Variants in KIF21A observed in about 807,000 individuals in gnomAD.
The protein encoded by KIF21A is kinesin-like protein KIF21A.
KIF21A carries 114 observed loss-of-function variants against 202.9 expected under a neutral mutation model. The ratio of observed to expected loss-of-function variants is 0.56; its 90% CI spans 0.48 to 0.66. The LOEUF (loss-of-function observed/expected upper bound fraction) is 0.66. Among genes scored for constraint, KIF21A ranks in the 30% least tolerant of loss-of-function variants. The pLI is 0.00. For synonymous variants in KIF21A, 667 were observed against 670.8 expected, an observed-to-expected ratio of 0.99 and a Z score of 0.09; for missense variants, 1,677 against 1,994.9, an observed-to-expected ratio of 0.84 and a Z score of 3.04.
In KIF21A at chr12:39,358,260, T is replaced by C. The variant is rs1021616179; in HGVS notation, c.1133A>G (p.Asn378Ser). 1 of 1,614,124 alleles carries C rather than the reference T, an allele frequency of 6.2e-7. No homozygotes were observed. The highest frequency in any genetic ancestry group is 1.1e-5 in the South Asian group (1 of 91,086). ...GATTTGCTGACTAGCTCTGTCCTGA[T>C]TGACCATCACCTTATTCTTGATATT... ...ARNIKNKVMV[N>S]QDRASQQINA... Residue 378 changes from asparagine to serine, a missense_variant, in exon 8 of 38, where the codon AAT becomes AGT. Coordinates refer to ENST00000361418, the MANE Select transcript of KIF21A (RefSeq NM_001173464.2).
intron 29 of KIF21A, among the ~76,000 whole-genome samples, chr12:39,317,658 T>G (rs1944705417): frequency 6.6e-6 from 1 of 152,220 alleles, no homozygotes. Context: ...AACAATGGTC[T>G]TTGTAAACTG....
At chr12:39,361,784 G>C (rs1445978379) in intron 7 of KIF21A, among the ~76,000 whole-genome samples, 1 of 152,076 alleles carries the variant, frequency 6.6e-6, no homozygotes, top group Admixed American at 6.5e-5. Flanking sequence ...GGGATCACAG[G>C]CATGAGCCAC....
chr12:39,323,526 T>C (rs978268309), intron 26 of KIF21A, among the ~76,000 whole-genome samples: 2 of 152,214 alleles, frequency 1.3e-5, no homozygotes, highest in Non-Finnish European at 2.9e-5. Flanking sequence ...AGTATCAGCT[T>C]TGGGCAGCCT....
chr12:39,363,203 C>A lies in KIF21A; in HGVS notation c.914G>T (p.Gly305Val). 6.2e-7 allele frequency: 1 copy of A among 1,602,404 alleles called. No homozygotes were observed. The highest frequency in any genetic ancestry group is 8.5e-7 in the Non-Finnish European group (1 of 1,170,038). Residue 305 changes from glycine to valine, a missense_variant, in exon 7 of 38, where the codon GGC becomes GTC. Coordinates refer to ENST00000361418, the MANE Select transcript of KIF21A (RefSeq NM_001173464.2). ...ISINCGLLAL[G>V]NVISALGDKS... ...GTCTCCCAAGGCACTTATTACATTG[C>A]CAAGTGCCAACTAAAAGAAAGAGAA...
At chr12:39,414,280 T>C (rs563394113) in intron 1 of KIF21A, among the ~76,000 whole-genome samples, 57 of 152,304 alleles carry the variant, frequency 3.7e-4, no homozygotes, top group African/African-American at 1.2e-3. Flanking sequence ...ATTTATTCAA[T>C]GACAAAAGGG....
intron 1 of KIF21A, among the ~76,000 whole-genome samples, chr12:39,423,165 C>G (rs980786575): frequency 6.6e-6 from 1 of 152,170 alleles, no homozygotes; most frequent in Non-Finnish European, 1.5e-5. Flanking sequence ...CAACCTAAAA[C>G]TTAACCTGCT....
At position 39,407,673 on chromosome 12, in the gene KIF21A, G is replaced by A. The variant is rs113974049; in HGVS notation, c.44+35254C>T. ...TAACTTGCTCAAGATCATACAGCTT[G>A]CTCAATCTCTTAGAAAGTCCTAGAG... On this transcript the variant is annotated intron_variant, in intron 1 of 37. Transcript: ENST00000361418. Among the ~76,000 whole-genome samples, 334 of 152,182 alleles carry A rather than the reference G, an allele frequency of 2.2e-3. 3 individuals carry two copies. The highest frequency in any genetic ancestry group is 7.7e-3 in the African/African-American group (321 of 41,516).
At chr12:39,344,510 A>G (rs1256500621) in intron 12 of KIF21A, among the ~76,000 whole-genome samples, 1 of 152,202 alleles carries the variant, frequency 6.6e-6, no homozygotes, top group Non-Finnish European at 1.5e-5. Context: ...AAATCACATT[A>G]TACTTAAGTT....
Position 39,322,832 on chromosome 12 carries a change from A to G in KIF21A, c.3507T>C (p.Ser1169=). ...TQMELLYADS[S]ELASDTSTGD... ...CTGTACTAGTGTCTGAAGCTAGTTC[A>G]CTGCTATCTGCATACAGCAATTCCA... The change falls in exon 27 of 38, where the codon AGT becomes AGC. Residue 1169 remains serine, a synonymous_variant. Transcript: ENST00000361418. The G allele has an allele frequency of 6.2e-7, 1 of 1,609,396 alleles. No homozygotes were observed. The highest frequency in any genetic ancestry group is 8.5e-7 in the Non-Finnish European group (1 of 1,178,408).
intron 1 of KIF21A, among the ~76,000 whole-genome samples, chr12:39,386,978 T>C (rs983904148): frequency 6.6e-6 from 1 of 151,752 alleles, no homozygotes; most frequent in Non-Finnish European, 1.5e-5. Context: ...CACCTAAGCA[T>C]GGAGGTAACT....
At chr12:39,343,972 C>T (rs1267549521) in intron 12 of KIF21A, among the ~76,000 whole-genome samples, 1 of 152,084 alleles carries the variant, frequency 6.6e-6, no homozygotes. Context: ...CATAAAGATG[C>T]ATGAGAGACA....
intron 17 of KIF21A, among the ~76,000 whole-genome samples, chr12:39,336,062 C>T (rs1299965399): frequency 6.6e-6 from 1 of 151,782 alleles, no homozygotes; most frequent in Non-Finnish European, 1.5e-5. Context: ...GAAACCTAAC[C>T]AATAATAAGG....
intron 1 of KIF21A, among the ~76,000 whole-genome samples, chr12:39,381,099 A>G (rs1418094015): frequency 3.3e-5 from 5 of 151,946 alleles, no homozygotes; most frequent in Admixed American, 3.3e-4. Flanking sequence ...AGGTCAGGAG[A>G]TCGCAACCAT....
At chr12:39,356,735 C>T in intron 10 of KIF21A, 97 bp downstream of exon 10, 1 of 662,460 alleles carries the variant, frequency 1.5e-6, no homozygotes, top group Non-Finnish European at 2.7e-6. Context: ...TCACCATGGA[C>T]AACTGTTGAA....
chr12:39,395,580 G>A (rs955485057), intron 1 of KIF21A, among the ~76,000 whole-genome samples: 2 of 152,064 alleles, frequency 1.3e-5, no homozygotes, highest in African/African-American at 4.8e-5. Flanking sequence ...AGTGGCTGAC[G>A]CCTGTAATCC....
chr12:39,347,643 G>A (rs1170225477), intron 11 of KIF21A, among the ~76,000 whole-genome samples: 4 of 151,964 alleles, frequency 2.6e-5, no homozygotes, highest in Middle Eastern at 3.4e-3. Context: ...CTTATATGCC[G>A]CCATTATAAG....
intron 1 of KIF21A, among the ~76,000 whole-genome samples, chr12:39,414,248 T>G (rs1015436987): frequency 3.9e-5 from 6 of 152,182 alleles, no homozygotes; most frequent in African/African-American, 1.4e-4. Context: ...CAATTGTCCT[T>G]TTTACTCTCT....
chr12:39,366,695 G>A (rs1344061818), intron 5 of KIF21A, among the ~76,000 whole-genome samples, 178 bp from the exon 6 acceptor site: 1 of 152,160 alleles, frequency 6.6e-6, no homozygotes, highest in Non-Finnish European at 1.5e-5. Context: ...AAAAAGCCTG[G>A]ATGGTCAGAA....
chr12:39,337,875 C>T (rs1947117071), intron 16 of KIF21A, among the ~76,000 whole-genome samples: 1 of 152,170 alleles, frequency 6.6e-6, no homozygotes, highest in Non-Finnish European at 1.5e-5. Context: ...CTGGTATAAA[C>T]AACCCTACTG....
Sources: allele counts gnomAD v4.1 joint callset (sites outside exome capture counted in the v4.1 genomes callset), GRCh38; gene constraint gnomAD v4.1.1; transcripts MANE v1.5; gene names NCBI Gene and HGNC (gene_info 2026-07-23, HGNC 2026-07-21).